The following KHDRBS2 variants were observed in gnomAD, a reference collection of about 807,000 sequenced individuals.
KHDRBS2 encodes KH RNA binding domain containing, signal transduction associated 2.
Under a neutral mutation model 44.3 loss-of-function variants are expected in KHDRBS2, and 26 were observed. That is an observed-to-expected ratio of 0.59 (90% CI 0.43 to 0.81). The LOEUF is 0.81. Among genes scored for constraint, KHDRBS2 ranks in the 40% least tolerant of loss-of-function variants. The pLI, the probability that KHDRBS2 is intolerant of heterozygous loss-of-function variation, is 0.00. For missense variants in KHDRBS2, 476 were observed against 433.1 expected, an observed-to-expected ratio of 1.10 and a Z score of -0.88; for synonymous variants, 194 against 151.1, an observed-to-expected ratio of 1.28 and a Z score of -2.08.
intron 3 of KHDRBS2, among the ~76,000 whole-genome samples, chr6:62,038,097 C>T (rs773316185): frequency 3.9e-5 from 6 of 151,948 alleles, no homozygotes; most frequent in African/African-American, 9.7e-5. Context: ...TGAAATGCCT[C>T]GTGATCAGCA....
At chr6:62,027,164 G>C (rs1336886575) in intron 3 of KHDRBS2, among the ~76,000 whole-genome samples, 2 of 152,102 alleles carry the variant, frequency 1.3e-5, no homozygotes, top group Non-Finnish European at 2.9e-5. Flanking sequence ...TTTGAAGGAA[G>C]TGAGGGAATA....
intron 6 of KHDRBS2, among the ~76,000 whole-genome samples, chr6:61,794,763 G>T (rs1785080962): frequency 6.6e-6 from 1 of 152,008 alleles, no homozygotes; most frequent in Admixed American, 6.6e-5. Context: ...ATGTTGCTGT[G>T]TTTTTTTAAC....
the KHDRBS2 span, among the ~76,000 whole-genome samples, chr6:61,551,861 C>T: frequency 6.6e-6 from 1 of 151,840 alleles, no homozygotes; most frequent in African/African-American, 2.4e-5. Flanking sequence ...TTTTTGGTTC[C>T]ATGTGAATTT....
chr6:62,258,384 T>G (rs1262241717), intron 1 of KHDRBS2, among the ~76,000 whole-genome samples: 1 of 152,038 alleles, frequency 6.6e-6, no homozygotes, highest in African/African-American at 2.4e-5. Context: ...CCTGAACAGA[T>G]GAATGACCTT....
chr6:61,544,568 A>G, the KHDRBS2 span, among the ~76,000 whole-genome samples: 1 of 152,120 alleles, frequency 6.6e-6, no homozygotes, highest in South Asian at 2.1e-4. Flanking sequence ...AGTGGTAGGG[A>G]AGAGAAAATC....
At chr6:61,776,025 A>T (rs1781924637) in intron 6 of KHDRBS2, among the ~76,000 whole-genome samples, 1 of 152,236 alleles carries the variant, frequency 6.6e-6, no homozygotes. Context: ...AACCTGAGAA[A>T]AACAAGTAAT....
chr6:62,216,228 T>C (rs750722336), intron 1 of KHDRBS2, among the ~76,000 whole-genome samples: 1 of 151,756 alleles, frequency 6.6e-6, no homozygotes, highest in Admixed American at 6.6e-5. Context: ...AGGATTAGAA[T>C]CACTGTATGA....
chr6:61,993,213 C>A (rs1445031896), intron 3 of KHDRBS2, among the ~76,000 whole-genome samples: 1 of 152,080 alleles, frequency 6.6e-6, no homozygotes, highest in African/African-American at 2.4e-5. Context: ...CATCTTATTT[C>A]ATGTGGCCCA....
At chr6:62,209,044 C>T (rs778920394) in intron 1 of KHDRBS2, among the ~76,000 whole-genome samples, 43 of 152,088 alleles carry the variant, frequency 2.8e-4, no homozygotes, top group Non-Finnish European at 5.6e-4. Context: ...ACAAAGGAAA[C>T]AATCAATGAA....
chr6:61,971,035 G>A (rs1197180311), intron 4 of KHDRBS2, among the ~76,000 whole-genome samples: 2 of 152,192 alleles, frequency 1.3e-5, no homozygotes, highest in Non-Finnish European at 1.5e-5. Context: ...TATGTTATTT[G>A]TTCAAGCTGA....
the KHDRBS2 span, among the ~76,000 whole-genome samples, chr6:61,580,729 G>T: frequency 6.6e-6 from 1 of 152,082 alleles, no homozygotes; most frequent in Non-Finnish European, 1.5e-5. Flanking sequence ...CACTCGCTGT[G>T]AAGGTCTGCG....
intron 2 of KHDRBS2, among the ~76,000 whole-genome samples, chr6:62,085,837 C>G (rs1798275240): frequency 1.3e-5 from 2 of 151,940 alleles, no homozygotes; most frequent in Admixed American, 6.6e-5. Context: ...CACTGAAAGA[C>G]AGTGATGGGA....
intron 8 of KHDRBS2, among the ~76,000 whole-genome samples, chr6:61,695,173 A>G (rs530666134): frequency 1.3e-5 from 2 of 152,238 alleles, no homozygotes; most frequent in South Asian, 4.1e-4. Flanking sequence ...AAAGTACCAC[A>G]TCCTGTTCTT....
chr6:61,948,386 G>A (rs1764033392), intron 4 of KHDRBS2, among the ~76,000 whole-genome samples: 1 of 151,846 alleles, frequency 6.6e-6, no homozygotes, highest in African/African-American at 2.4e-5. Flanking sequence ...TTCTTTTTTA[G>A]CTGAAGAAAA....
At chr6:62,065,351 T>C (rs533338407) in intron 2 of KHDRBS2, among the ~76,000 whole-genome samples, 16 of 151,464 alleles carry the variant, frequency 1.1e-4, no homozygotes, top group South Asian at 1.0e-3. Flanking sequence ...TATTGCGGCA[T>C]TATTCACAAT....
chr6:61,921,291 C>A (rs1231195225), intron 4 of KHDRBS2, among the ~76,000 whole-genome samples: 1 of 151,908 alleles, frequency 6.6e-6, no homozygotes, highest in African/African-American at 2.4e-5. Flanking sequence ...TACCAATCAG[C>A]AAGTGTTCTT....
Position 61,826,153 on chromosome 6 carries a change from AT to A in KHDRBS2, c.810+68481del, listed in dbSNP as rs962089929. On this transcript the variant is annotated intron_variant, in intron 6 of 8. Transcript: ENST00000281156. ...TGGTCTTCATGTAAAGAACTGTGGC[AT>A]TTTTTAGGGGTTTTATGGGCATATT... Among the ~76,000 whole-genome samples the A allele has an allele frequency of 7.9e-5, 12 of 152,152 alleles. No individual in the cohort carries two copies. In the South Asian group the frequency reaches 1.9e-3, roughly 24 times the overall value.
chr6:61,955,388 G>A (rs111209848), intron 4 of KHDRBS2, among the ~76,000 whole-genome samples: 1,514 of 89,864 alleles, frequency 0.017, 107 homozygotes, highest in African/African-American at 0.067. Flanking sequence ...ATACACATAC[G>A]TATGTGTATG....
intron 4 of KHDRBS2, among the ~76,000 whole-genome samples, chr6:61,963,807 G>A (rs2127394707): frequency 6.6e-6 from 1 of 152,106 alleles, no homozygotes; most frequent in East Asian, 1.9e-4. Flanking sequence ...AAATCCAAGT[G>A]AAAGGTTTCT....
Sources: allele counts gnomAD v4.1 joint callset (sites outside exome capture counted in the v4.1 genomes callset), GRCh38; gene constraint gnomAD v4.1.1; transcripts MANE v1.5; gene names NCBI Gene and HGNC (gene_info 2026-07-23, HGNC 2026-07-21).